The following GGACT variants were observed in gnomAD, a reference collection of about 807,000 sequenced individuals.
GGACT encodes the protein gamma-glutamylamine cyclotransferase.
For synonymous variants in GGACT, 118 were observed against 115.3 expected, an observed-to-expected ratio of 1.02 and a Z score of -0.15; for missense variants, 241 against 233.2, an observed-to-expected ratio of 1.03 and a Z score of -0.22.
rs546087821 is a variant in GGACT, at chr13:100,534,021, G to A, written c.-10-1420C>T. On this transcript the variant is annotated intron_variant, in intron 2 of 2. Coordinates refer to ENST00000683975, the MANE Select transcript of GGACT (RefSeq NM_001195087.2). The surrounding 1 kb of genome is among the most constrained non-coding windows in gnomAD (Gnocchi z 4.9). ...CTCGTGACCCGCCAGAAATGGCCCC[G>A]GACACCACACTTGCCACCAATCATG... 6.5e-4 allele frequency among the ~76,000 whole-genome samples: 99 copies of A among 152,322 alleles called. No homozygotes were observed. The highest frequency in any genetic ancestry group is 1.8e-3 in the Admixed American group (28 of 15,306).
At chr13:100,568,187 C>A (rs1874965867) in intron 2 of GGACT, among the ~76,000 whole-genome samples, 1 of 152,144 alleles carries the variant, frequency 6.6e-6, no homozygotes, top group Admixed American at 6.5e-5. Flanking sequence ...TCTACCAATC[C>A]CACTTTTTAT....
chr13:100,549,751 A>G (rs2153013927), intron 2 of GGACT, among the ~76,000 whole-genome samples: 1 of 152,380 alleles, frequency 6.6e-6, no homozygotes, highest in East Asian at 1.9e-4. Flanking sequence ...CAGAGGTGGC[A>G]GATAAAAGAA....
chr13:100,549,672 C>T (rs1004856287), intron 2 of GGACT, among the ~76,000 whole-genome samples: 53 of 152,296 alleles, frequency 3.5e-4, no homozygotes, highest in African/African-American at 1.2e-3. Flanking sequence ...CATCACCTTT[C>T]GCTAAGAATA....
chr13:100,583,355 T>C (rs951726286), intron 2 of GGACT, among the ~76,000 whole-genome samples: 1 of 152,184 alleles, frequency 6.6e-6, no homozygotes. Flanking sequence ...CTAGAGACTG[T>C]ATTACACAAA....
rs1239169539 is a variant in GGACT at position 100,530,242 on chromosome 13, G to A, written c.*1888C>T. ...ATGCTTTCACACACAATTGATTCAA[G>A]CATTATACAGGAACACCCCTGTGCA... On this transcript the variant is annotated 3_prime_UTR_variant, in exon 3 of 3. Transcript: ENST00000683975. The A allele has an allele frequency of 3.4e-6, 4 of 1,169,976 alleles. No individual in the cohort carries two copies. The highest frequency in any genetic ancestry group is 5.1e-6 in the Non-Finnish European group (4 of 779,942). 72.5% of individuals were successfully genotyped at this position (1,169,976 alleles called of 1,614,324 possible). A position where few individuals can be genotyped will look rare whatever the true frequency, so the allele number is the denominator to read the frequency against.
chr13:100,584,477 G>C lies in GGACT; in HGVS notation c.-183-480C>G, dbSNP rs563427315. On this transcript the variant is annotated intron_variant, in intron 1 of 2. Coordinates refer to ENST00000683975, the MANE Select transcript of GGACT (RefSeq NM_001195087.2). ...TCAGAATGATGGTTACCAGAGGCTA[G>C]GAAGGGTAGTAGGGGGGTTGGGGGA... Among the ~76,000 whole-genome samples the C allele has an allele frequency of 2.0e-3, 299 of 152,212 alleles. 2 individuals carry two copies. Among genetic ancestry groups the C allele is most frequent in the African/African-American group, 6.8e-3 (284 of 41,518 alleles).
chr13:100,548,359 T>C (rs2153013776), intron 2 of GGACT, among the ~76,000 whole-genome samples: 1 of 152,362 alleles, frequency 6.6e-6, no homozygotes, highest in East Asian at 1.9e-4. Context: ...CTGTTTTGCC[T>C]TCTTAAGTGA....
intron 2 of GGACT, among the ~76,000 whole-genome samples, chr13:100,543,143 T>C (rs935436101): frequency 6.6e-6 from 1 of 151,324 alleles, no homozygotes; most frequent in African/African-American, 2.4e-5. Context: ...AGGAAAGGGC[T>C]AGTGTTTAAC....
At chr13:100,532,948 G>C (rs373809286) in intron 2 of GGACT, among the ~76,000 whole-genome samples, 33 of 152,342 alleles carry the variant, frequency 2.2e-4, no homozygotes, top group Middle Eastern at 3.4e-3. Flanking sequence ...CTTCCTTGAT[G>C]TGTCTGTAGC....
chr13:100,551,367 C>T (rs904182285), intron 2 of GGACT, among the ~76,000 whole-genome samples: 3 of 152,152 alleles, frequency 2.0e-5, no homozygotes, highest in Non-Finnish European at 2.9e-5. Flanking sequence ...CTAAGCTGTC[C>T]AAGCCAAGAA....
intron 2 of GGACT, among the ~76,000 whole-genome samples, chr13:100,551,405 C>G (rs1177839884): frequency 6.6e-6 from 1 of 152,226 alleles, no homozygotes; most frequent in African/African-American, 2.4e-5. Flanking sequence ...GGGACCAGCG[C>G]CCGTGGCAAG....
chr13:100,549,629 TC>T (rs1396012767), intron 2 of GGACT, among the ~76,000 whole-genome samples: 1 of 152,268 alleles, frequency 6.6e-6, no homozygotes, highest in East Asian at 1.9e-4. Flanking sequence ...AAGGCAGGAC[TC>T]GTTTTGGTAG....
At chr13:100,571,809 A>G (rs1231602272) in intron 2 of GGACT, among the ~76,000 whole-genome samples, 1 of 152,228 alleles carries the variant, frequency 6.6e-6, no homozygotes, top group Admixed American at 6.5e-5. Flanking sequence ...ATTCTGGCCC[A>G]CACATGATCT....
chr13:100,555,645 A>AAG (rs1367064998), intron 2 of GGACT, among the ~76,000 whole-genome samples: 1 of 152,120 alleles, frequency 6.6e-6, no homozygotes, highest in Admixed American at 6.6e-5. Context: ...CAGCCCGGGC[A>AAG]AGAGAGAGAG....
At chr13:100,571,575 A>C (rs1875084055) in intron 2 of GGACT, among the ~76,000 whole-genome samples, 1 of 152,168 alleles carries the variant, frequency 6.6e-6, no homozygotes. Context: ...AGCCTCCCCA[A>C]GTGCTAGGAT....
At position 100,579,207 on chromosome 13, in the gene GGACT, A is replaced by G. The variant is rs576434477; in HGVS notation, c.-11+4618T>C. Among the ~76,000 whole-genome samples, 6 of 152,320 alleles carry G rather than the reference A, an allele frequency of 3.9e-5. No individual in the cohort carries two copies. In the East Asian group the frequency reaches 1.2e-3, roughly 29 times the overall value. The stretch of plus-strand genomic sequence containing the variant: ...ACAGCCCTGCAGTGTTTAGGCTAGC[A>G]TGCAAAAACAATTAATTATGCAAGA... On this transcript the variant is annotated intron_variant, in intron 2 of 2. Coordinates refer to ENST00000683975, the MANE Select transcript of GGACT (RefSeq NM_001195087.2).
chr13:100,584,461 T>C (rs1244479800), intron 1 of GGACT, among the ~76,000 whole-genome samples: 1 of 151,802 alleles, frequency 6.6e-6, no homozygotes, highest in Non-Finnish European at 1.5e-5. Context: ...ATCAGAATGA[T>C]GGTTACCAGA....
chr13:100,575,412 CAA>C (rs1402722844), intron 2 of GGACT, among the ~76,000 whole-genome samples: 11 of 152,196 alleles, frequency 7.2e-5, no homozygotes, highest in African/African-American at 1.9e-4. Flanking sequence ...CTAAATCAGA[CAA>C]AGAGATAGAT....
At chr13:100,587,439 C>T (rs1234957912) in intron 1 of GGACT, among the ~76,000 whole-genome samples, 1 of 152,198 alleles carries the variant, frequency 6.6e-6, no homozygotes, top group East Asian at 1.9e-4. Flanking sequence ...TCAGCTTTTA[C>T]AATACGAATC....
Sources: gnomAD v4.1 joint callset for allele counts (sites outside exome capture counted in the v4.1 genomes callset) on GRCh38, gnomAD v4.1.1 for gene constraint, Gnocchi (gnomAD v3.1) non-coding constraint, MANE v1.5 for transcripts, NCBI Gene and HGNC (gene_info 2026-07-23, HGNC 2026-07-21) for gene names.